ABCA13: variants seen among roughly 807,000 people sequenced by gnomAD.
The protein encoded by ABCA13 is ATP binding cassette subfamily A member 13, also known as ATP-binding cassette sub-family A member 13.
Under a neutral mutation model 478.7 loss-of-function variants are expected in ABCA13, and 476 were observed. The ratio of observed to expected loss-of-function variants is 0.99; its 90% CI spans 0.92 to 1.07. The LOEUF is 1.07. ABCA13 is among the 50% of genes least tolerant of loss of function. The pLI is 0.00. For missense variants in ABCA13, 6,060 were observed against 5,910.6 expected (o/e 1.03, Z -0.83); for synonymous variants, 2,252 against 2,158.9 (o/e 1.04, Z -1.20).
intron 31 of ABCA13, among the ~76,000 whole-genome samples, chr7:48,352,902 A>G (rs571790202): frequency 6.6e-6 from 1 of 152,102 alleles, no homozygotes; most frequent in South Asian, 2.1e-4. Flanking sequence ...GAAGGATTCC[A>G]TACAGGCCTT....
At chr7:48,494,536 C>G (rs1008265912) in intron 48 of ABCA13, among the ~76,000 whole-genome samples, 17 of 152,196 alleles carry the variant, frequency 1.1e-4, no homozygotes, top group Non-Finnish European at 1.6e-4. Flanking sequence ...CTAGCTTGCC[C>G]TTGCTGGAAT....
intron 15 of ABCA13, among the ~76,000 whole-genome samples, chr7:48,259,674 T>A (rs1330512650): frequency 6.6e-6 from 1 of 152,090 alleles, no homozygotes; most frequent in Non-Finnish European, 1.5e-5. Context: ...TATGCAGACT[T>A]GATTGTGTGG....
chr7:48,310,212 T>C, intron 24 of ABCA13, 71 bp downstream of exon 24: 3 of 1,508,802 alleles, frequency 2.0e-6, no homozygotes, highest in Non-Finnish European at 2.7e-6. Flanking sequence ...ATAAGTACAG[T>C]AGTCCTAGGG....
At chr7:48,226,683 G>A (rs772332786) in intron 5 of ABCA13, among the ~76,000 whole-genome samples, 1 of 152,082 alleles carries the variant, frequency 6.6e-6, no homozygotes, top group Admixed American at 6.5e-5. Flanking sequence ...GAGAGCATGC[G>A]GGCTCAGTGA....
At chr7:48,623,529 G>A (rs948049587) in intron 59 of ABCA13, among the ~76,000 whole-genome samples, 4 of 152,104 alleles carry the variant, frequency 2.6e-5, no homozygotes, top group Admixed American at 6.5e-5. Flanking sequence ...CATATTCATC[G>A]TTATTTGTAG....
chr7:48,243,966 T>TCCCG (rs1791279959), intron 10 of ABCA13, among the ~76,000 whole-genome samples: 1 of 152,232 alleles, frequency 6.6e-6, no homozygotes, highest in African/African-American at 2.4e-5. Flanking sequence ...CTTCTCCCTC[T>TCCCG]CCCGTATTTA....
At chr7:48,621,933 T>C (rs1793176257) in intron 59 of ABCA13, among the ~76,000 whole-genome samples, 1 of 152,130 alleles carries the variant, frequency 6.6e-6, no homozygotes, top group African/African-American at 2.4e-5. Context: ...GTGGAAATAT[T>C]TGTTCAAAAT....
chr7:48,645,349 C>T, intron 61 of ABCA13, 68 bp from the exon 62 acceptor site: 3 of 1,280,146 alleles, frequency 2.3e-6, no homozygotes, highest in Non-Finnish European at 3.3e-6. Flanking sequence ...ACAATGTCTC[C>T]TTTCTAATAA....
At chr7:48,364,847 G>A (rs1016175958) in intron 31 of ABCA13, among the ~76,000 whole-genome samples, 1 of 152,020 alleles carries the variant, frequency 6.6e-6, no homozygotes, top group Non-Finnish European at 1.5e-5. Flanking sequence ...CTTAGCTATT[G>A]TGAATAAGTC....
intron 59 of ABCA13, among the ~76,000 whole-genome samples, chr7:48,622,125 C>A (rs750236118): frequency 6.6e-6 from 1 of 152,160 alleles, no homozygotes; most frequent in Non-Finnish European, 1.5e-5. Context: ...ATCATCAAGT[C>A]CCTCCTTGTC....
chr7:48,176,201 C>T (rs1182695391), intron 1 of ABCA13, among the ~76,000 whole-genome samples: 2 of 152,178 alleles, frequency 1.3e-5, no homozygotes, highest in Non-Finnish European at 2.9e-5. Flanking sequence ...GGACAGGACT[C>T]TGATCCCTTA....
intron 40 of ABCA13, among the ~76,000 whole-genome samples, chr7:48,411,879 C>G (rs1016825496): frequency 1.3e-5 from 2 of 152,208 alleles, no homozygotes; most frequent in African/African-American, 2.4e-5. Flanking sequence ...ACCTCTGAGC[C>G]AAGGTTCCTG....
At chr7:48,193,541 A>C (rs372803551) in intron 2 of ABCA13, among the ~76,000 whole-genome samples, 151,839 of 151,858 alleles carry the variant, frequency 1, 75,910 homozygotes, top group Middle Eastern at 1. Context: ...ATAATGGTGC[A>C]AGAGATAATG....
At chr7:48,416,650 G>T (rs973039844) in intron 41 of ABCA13, among the ~76,000 whole-genome samples, 6 of 152,102 alleles carry the variant, frequency 3.9e-5, no homozygotes, top group Admixed American at 2.6e-4. Flanking sequence ...CAGTCGGAGA[G>T]TGCCCCGGGA....
chr7:48,601,144 C>T (rs116107344), intron 58 of ABCA13, among the ~76,000 whole-genome samples: 6,448 of 152,074 alleles, frequency 0.042, 435 homozygotes, highest in African/African-American at 0.15. Flanking sequence ...TAATCTTTAA[C>T]TGATTTATTT....
intron 32 of ABCA13, 120 bp downstream of exon 32, chr7:48,368,028 G>C: frequency 1.5e-6 from 1 of 667,336 alleles, no homozygotes; most frequent in African/African-American, 1.8e-5. Flanking sequence ...CTCTGCTGGG[G>C]TTCTGGTGTA....
At chr7:48,458,338 C>T (rs566867027) in intron 43 of ABCA13, among the ~76,000 whole-genome samples, 1 of 152,282 alleles carries the variant, frequency 6.6e-6, no homozygotes, top group East Asian at 1.9e-4. Context: ...ATCCTTGCTG[C>T]TCCAAATGTG....
intron 34 of ABCA13, among the ~76,000 whole-genome samples, chr7:48,375,005 G>T (rs971246449): frequency 1.3e-5 from 2 of 152,156 alleles, no homozygotes; most frequent in African/African-American, 4.8e-5. Context: ...TTCCTTATGA[G>T]AATTTAATGC....
chr7:48,476,687 G>A (rs546287593), intron 45 of ABCA13, among the ~76,000 whole-genome samples: 2 of 152,286 alleles, frequency 1.3e-5, no homozygotes, highest in South Asian at 2.1e-4. Flanking sequence ...CCGGGAATGG[G>A]TTCTGGCCTT....
Sources: gnomAD v4.1 joint callset for allele counts (sites outside exome capture counted in the v4.1 genomes callset) on GRCh38, gnomAD v4.1.1 for gene constraint, MANE v1.5 for transcripts, NCBI Gene and HGNC (gene_info 2026-07-23, HGNC 2026-07-21) for gene names.